MYO15B: variants seen among roughly 807,000 people sequenced by gnomAD.
MYO15B encodes the protein myosin XVB pseudogene.
A neutral mutation model predicts 119.3 loss-of-function variants in MYO15B; 207 were observed. The observed-to-expected ratio is 1.73, with a 90% CI of 1.55 to 1.95. The LOEUF (loss-of-function observed/expected upper bound fraction) is 1.95, where lower values mean the gene tolerates loss of function less well. MYO15B is among the 30% of genes most tolerant of loss of function. MYO15B has a pLI of 0.00. For missense variants in MYO15B, 2,264 were observed against 1,203.1 expected, an observed-to-expected ratio of 1.88 and a Z score of -13.04; for synonymous variants, 966 against 498.9, an observed-to-expected ratio of 1.94 and a Z score of -12.48.
At chr17:75,604,823 G>A (rs1181148229) in intron 19 of MYO15B, among the ~76,000 whole-genome samples, 1 of 152,106 alleles carries the variant, frequency 6.6e-6, no homozygotes, top group Non-Finnish European at 1.5e-5. Context: ...TAAATACTGA[G>A]GGGCTCAGGG....
chr17:75,617,570 G>C, intron 41 of MYO15B: 1 of 336,554 alleles, frequency 3.0e-6, no homozygotes, highest in East Asian at 3.5e-5. Flanking sequence ...GCTCTGTGAG[G>C]AAGTTAGTGG....
chr17:75,626,199 C>A, exon 63 of MYO15B: 1 of 703,062 alleles, frequency 1.4e-6, no homozygotes, highest in Non-Finnish European at 2.6e-6. Context: ...AGCTGACAAC[C>A]CCCAGACCAT....
At chr17:75,618,158 C>A in exon 43 of MYO15B, 1 of 703,296 alleles carries the variant, frequency 1.4e-6, no homozygotes, top group South Asian at 1.5e-5. Flanking sequence ...TCAGCCATCC[C>A]TACTACCTGA....
intron 14 of MYO15B, among the ~76,000 whole-genome samples, chr17:75,600,108 A>G (rs1485929779): frequency 1.4e-5 from 2 of 142,526 alleles, no homozygotes; most frequent in African/African-American, 5.2e-5. Context: ...ACTGCTGCAA[A>G]CTCCGCCTCT....
intron 54 of MYO15B, 28 bp from the exon 55 acceptor site, chr17:75,623,921 C>T (rs1255742981): frequency 1.1e-5 from 8 of 702,684 alleles, no homozygotes; most frequent in Non-Finnish European, 1.3e-5. Context: ...GCCTGGCCAG[C>T]CTGAAGCCCG....
At chr17:75,613,918 G>C (rs775574308) in intron 29 of MYO15B, 141 bp downstream of exon 29, 9 of 602,452 alleles carry the variant, frequency 1.5e-5, no homozygotes, top group Non-Finnish European at 2.7e-5. Context: ...TGGCGATGGG[G>C]AGCCGGGGGC....
chr17:75,599,741 A>C (rs2057120488), intron 14 of MYO15B, among the ~76,000 whole-genome samples: 1 of 151,540 alleles, frequency 6.6e-6, no homozygotes, highest in Non-Finnish European at 1.5e-5. Context: ...TAAAAATACA[A>C]AAAATGAGTC....
chr17:75,619,273 C>T (rs2058560848), intron 44 of MYO15B, 55 bp downstream of exon 44: 1 of 702,616 alleles, frequency 1.4e-6, no homozygotes, highest in South Asian at 1.5e-5. Context: ...GCCGCGCCTG[C>T]CCTGAAGGAG....
chr17:75,623,883 T>C (rs1278746195), intron 54 of MYO15B, 29 bp downstream of exon 54: 1 of 667,000 alleles, frequency 1.5e-6, no homozygotes, highest in African/African-American at 1.9e-5. Flanking sequence ...CTTCTGGGGG[T>C]GGCTTCTGGG....
intron 41 of MYO15B, chr17:75,617,582 C>CCGACAGCT (rs1568206758): frequency 1.7e-6 from 1 of 573,886 alleles, no homozygotes. Flanking sequence ...AGTTAGTGGC[C>CCGACAGCT]CTGGCTGACA....
intron 22 of MYO15B, among the ~76,000 whole-genome samples, 156 bp downstream of exon 22, chr17:75,610,415 G>A (rs1375737486): frequency 2.6e-5 from 4 of 152,170 alleles, no homozygotes; most frequent in Non-Finnish European, 4.4e-5. Context: ...TTTTCCCTCC[G>A]GCCGGGGTAG....
At chr17:75,619,164 G>A (rs777887023) in exon 44 of MYO15B, 33 of 702,790 alleles carry the variant, frequency 4.7e-5, no homozygotes, top group Middle Eastern at 2.3e-4. Flanking sequence ...CACCTTCTCC[G>A]AGTCCTGTAT....
chr17:75,606,159 G>T (rs1236990354), intron 21 of MYO15B, 138 bp downstream of exon 21: 5 of 573,306 alleles, frequency 8.7e-6, no homozygotes, highest in Admixed American at 3.0e-5. Context: ...ATCGGCATGT[G>T]ACTCTCCTTG....
At chr17:75,619,197 C>T (rs1011292414) in exon 44 of MYO15B, 45 of 702,698 alleles carry the variant, frequency 6.4e-5, no homozygotes, top group Non-Finnish European at 1.1e-4. Flanking sequence ...GAATGAGCGG[C>T]GGAAAATGAA....
At chr17:75,611,718 G>A in intron 24 of MYO15B, 60 bp downstream of exon 24, 1 of 701,766 alleles carries the variant, frequency 1.4e-6, no homozygotes, top group South Asian at 1.5e-5. Flanking sequence ...ACTGTGGGGT[G>A]TGTCTGTCCC....
chr17:75,609,632 C>T lies in MYO15B; in HGVS notation c.4293-534C>T, dbSNP rs547000896. ...ATTTACTCGTTCTCCTTCCTCCCTT[C>T]CTCCCTCTCTCCCTCCTCCCTCCTC... On this transcript the variant is annotated intron_variant, in intron 21 of 63. Coordinates refer to ENST00000645453, the Ensembl canonical transcript of MYO15B. Among the ~76,000 whole-genome samples, 153 of 151,296 alleles carry T rather than the reference C, an allele frequency of 1.0e-3. 1 individual carries two copies. Among genetic ancestry groups the T allele is most frequent in the African/African-American group, 3.6e-3 (147 of 41,162 alleles).
exon 49 of MYO15B, chr17:75,620,616 C>G (rs979009088): frequency 2.9e-6 from 2 of 701,676 alleles, no homozygotes; most frequent in Non-Finnish European, 2.6e-6. Context: ...AGGGCTGGCT[C>G]GGTGGGACAG....
rs994657269 is a variant in MYO15B, at chr17:75,621,181, G to A, written c.7871+5G>A. ...CTTCCGGAGGTCCCAGGCCTTGTGAGTGCACTGGGCCAACCCCTGTGCCTG... is the reference window on the plus strand; with the variant it reads ...CTTCCGGAGGTCCCAGGCCTTGTGAATGCACTGGGCCAACCCCTGTGCCTG... On this transcript the variant is annotated splice_donor_5th_base_variant and intron_variant, in intron 50 of 63. Transcript: ENST00000645453. 13 of 689,334 alleles carry A rather than the reference G, an allele frequency of 1.9e-5. No individual in the cohort carries two copies. The highest frequency in any genetic ancestry group is 3.4e-5 in the Non-Finnish European group (13 of 377,638). The allele number at this position is 689,334 out of a possible 1,614,324, so 42.7% of individuals were successfully genotyped here. A position where few individuals can be genotyped will look rare whatever the true frequency, so the allele number is the denominator to read the frequency against.
exon 42 of MYO15B, chr17:75,617,911 C>G (rs1456545411): frequency 1.4e-6 from 1 of 702,718 alleles, no homozygotes; most frequent in African/African-American, 1.7e-5. Flanking sequence ...GAAGTTGTTC[C>G]TACGCAAGGA....
Sources: gnomAD v4.1 joint callset for allele counts (sites outside exome capture counted in the v4.1 genomes callset) on GRCh38, gnomAD v4.1.1 for gene constraint, MANE v1.5 for transcripts, NCBI Gene and HGNC (gene_info 2026-07-23, HGNC 2026-07-21) for gene names.